XKR4: variants seen among roughly 807,000 people sequenced by gnomAD.
The protein encoded by XKR4 is XK-related protein 4.
XKR4 carries 12 observed loss-of-function variants against 53.9 expected under a neutral mutation model. The ratio of observed to expected loss-of-function variants is 0.22; its 90% CI spans 0.14 to 0.36. The LOEUF (loss-of-function observed/expected upper bound fraction) is 0.36, where lower values mean the gene tolerates loss of function less well. Ranked by LOEUF, XKR4 falls within the 10% of genes least tolerant of loss-of-function variation. XKR4 has a pLI of 1.00. For synonymous variants in XKR4, 354 were observed against 362.4 expected (o/e 0.98, Z 0.26); for missense variants, 799 against 859.5 (o/e 0.93, Z 0.88).
At chr8:55,373,413 C>T (rs576031126) in intron 2 of XKR4, among the ~76,000 whole-genome samples, 33 of 152,236 alleles carry the variant, frequency 2.2e-4, no homozygotes, top group Admixed American at 1.8e-3. Context: ...GTGATCTACC[C>T]GCCTTGGCCT....
At chr8:55,349,207 C>A (rs557117355) in intron 1 of XKR4, among the ~76,000 whole-genome samples, 1 of 152,258 alleles carries the variant, frequency 6.6e-6, no homozygotes, top group Admixed American at 6.5e-5. Flanking sequence ...GAAAGTAATT[C>A]CCCAGAGTTC....
intron 2 of XKR4, among the ~76,000 whole-genome samples, chr8:55,515,922 T>C (rs1373214642): frequency 6.6e-6 from 1 of 152,206 alleles, no homozygotes; most frequent in African/African-American, 2.4e-5. Flanking sequence ...GTAAGTCTCA[T>C]GCTCTGGTTG....
At chr8:55,508,777 T>G (rs892049927) in intron 2 of XKR4, among the ~76,000 whole-genome samples, 1 of 152,114 alleles carries the variant, frequency 6.6e-6, no homozygotes, top group Non-Finnish European at 1.5e-5. Context: ...TATAAAGAAA[T>G]CAGAAAAGAA....
rs1052479984 is a variant in XKR4 at position 55,525,755 on chromosome 8, C to A, written c.*1528C>A. The A allele has an allele frequency of 2.0e-5, 3 of 152,544 alleles. No homozygotes were observed. Among genetic ancestry groups the A allele is most frequent in the African/African-American group, 7.2e-5 (3 of 41,414 alleles). The allele number at this position is 152,544 out of a possible 1,614,324, so 9.4% of individuals were successfully genotyped here. A position where few individuals can be genotyped will look rare whatever the true frequency, so the allele number is the denominator to read the frequency against. Reference sequence around the variant, plus strand: ...TTTGTAATAAAAAATATAGGGTATACACATAGGCATCATCACATTTTTTAT... The same window carrying A: ...TTTGTAATAAAAAATATAGGGTATAAACATAGGCATCATCACATTTTTTAT... On this transcript the variant is annotated 3_prime_UTR_variant, in exon 3 of 3. Transcript: ENST00000327381.
intron 2 of XKR4, among the ~76,000 whole-genome samples, chr8:55,416,926 A>T (rs1804861410): frequency 6.7e-6 from 1 of 150,344 alleles, no homozygotes; most frequent in East Asian, 1.9e-4. Flanking sequence ...TTTCTAATGA[A>T]GTTTTAATTG....
intron 1 of XKR4, among the ~76,000 whole-genome samples, chr8:55,187,002 C>A (rs971954092): frequency 6.6e-6 from 1 of 151,514 alleles, no homozygotes; most frequent in Non-Finnish European, 1.5e-5. Flanking sequence ...TGAAGACTGG[C>A]ATTTACATAA....
At chr8:55,462,375 A>T (rs1473115536) in intron 2 of XKR4, among the ~76,000 whole-genome samples, 1 of 152,182 alleles carries the variant, frequency 6.6e-6, no homozygotes, top group Non-Finnish European at 1.5e-5. Context: ...AGCCAAACTA[A>T]GCTTCATAAG....
intron 1 of XKR4, among the ~76,000 whole-genome samples, chr8:55,303,231 C>T (rs186727056): frequency 1.6e-3 from 243 of 152,254 alleles, no homozygotes; most frequent in African/African-American, 5.6e-3. Flanking sequence ...TGTCAAAGGA[C>T]TTTTCTGCAT....
Position 55,524,343 on chromosome 8 carries a change from C to A in XKR4, c.*116C>A. 1.0e-6 allele frequency: 1 copy of A among 991,948 alleles called. No individual in the cohort carries two copies. Among genetic ancestry groups the A allele is most frequent in the Non-Finnish European group, 1.5e-6 (1 of 685,172 alleles). 61.4% of individuals were successfully genotyped at this position (991,948 alleles called of 1,614,324 possible). A position where few individuals can be genotyped will look rare whatever the true frequency, so the allele number is the denominator to read the frequency against. ...GTGAGCCGTGAAGTTCCTAGTGGGACCGTCATCACCATTATCATTTGATCC... is the reference window on the plus strand; with the variant it reads ...GTGAGCCGTGAAGTTCCTAGTGGGAACGTCATCACCATTATCATTTGATCC... On this transcript the variant is annotated 3_prime_UTR_variant, in exon 3 of 3. Coordinates refer to ENST00000327381, the MANE Select transcript of XKR4 (RefSeq NM_052898.2).
intron 2 of XKR4, among the ~76,000 whole-genome samples, chr8:55,441,525 G>A (rs1585574483): frequency 2.0e-5 from 3 of 151,970 alleles, no homozygotes; most frequent in Admixed American, 6.6e-5. Context: ...GGACATATGG[G>A]GAACATTGCA....
chr8:55,495,719 C>T (rs1419133563), intron 2 of XKR4, among the ~76,000 whole-genome samples: 1 of 152,214 alleles, frequency 6.6e-6, no homozygotes, highest in Non-Finnish European at 1.5e-5. Flanking sequence ...TCCCACCCAG[C>T]TGCGAGAGGT....
intron 2 of XKR4, among the ~76,000 whole-genome samples, chr8:55,381,602 C>A (rs1053335211): frequency 6.6e-6 from 1 of 152,144 alleles, no homozygotes; most frequent in African/African-American, 2.4e-5. Flanking sequence ...CTTTCCACTG[C>A]CTTTTTGTTC....
chr8:55,464,392 T>C (rs1805720476), intron 2 of XKR4, among the ~76,000 whole-genome samples: 1 of 152,136 alleles, frequency 6.6e-6, no homozygotes. Flanking sequence ...ATTATCTCAA[T>C]AGATGCAGAA....
intron 2 of XKR4, among the ~76,000 whole-genome samples, chr8:55,513,827 G>T (rs577820659): frequency 7.2e-5 from 11 of 152,294 alleles, no homozygotes; most frequent in African/African-American, 2.6e-4. Context: ...CATGCATATA[G>T]GAAAAAGTGT....
intron 2 of XKR4, among the ~76,000 whole-genome samples, chr8:55,388,972 G>A (rs1353641085): frequency 6.6e-6 from 1 of 152,182 alleles, no homozygotes; most frequent in African/African-American, 2.4e-5. Context: ...TAGGTTCCTT[G>A]CAGATATAAT....
In XKR4 at chr8:55,102,307, A is replaced by T; in HGVS notation, c.-182A>T. On this transcript the variant is annotated 5_prime_UTR_variant, in exon 1 of 3. Coordinates refer to ENST00000327381, the MANE Select transcript of XKR4 (RefSeq NM_052898.2). The surrounding 1 kb of genome is among the most constrained non-coding windows in gnomAD (Gnocchi z 5.1). ...CCCAGGCGCGCCGCTAGCCCGGCCCAGCGCCCAGCCCGGCGGGCGGCGGGC... is the reference window on the plus strand; with the variant it reads ...CCCAGGCGCGCCGCTAGCCCGGCCCTGCGCCCAGCCCGGCGGGCGGCGGGC... 2.4e-6 allele frequency: 2 copies of T among 836,364 alleles called. No homozygotes were observed. Among genetic ancestry groups the T allele is most frequent in the Non-Finnish European group, 2.9e-6 (2 of 687,332 alleles). The allele number at this position is 836,364 out of a possible 1,614,324, so 51.8% of individuals were successfully genotyped here. A position where few individuals can be genotyped will look rare whatever the true frequency, so the allele number is the denominator to read the frequency against.
chr8:55,262,944 A>T (rs964247600), intron 1 of XKR4, among the ~76,000 whole-genome samples: 1 of 152,170 alleles, frequency 6.6e-6, no homozygotes, highest in African/African-American at 2.4e-5. Flanking sequence ...TCCTACAAGA[A>T]TAGAAACCCT....
At chr8:55,209,301 C>T (rs965320135) in intron 1 of XKR4, among the ~76,000 whole-genome samples, 2 of 152,060 alleles carry the variant, frequency 1.3e-5, no homozygotes. Flanking sequence ...CACATGGGCT[C>T]CCACACTTGC....
intron 2 of XKR4, among the ~76,000 whole-genome samples, chr8:55,380,292 C>T (rs185984918): frequency 6.6e-6 from 1 of 152,280 alleles, no homozygotes; most frequent in East Asian, 1.9e-4. Flanking sequence ...ATCAGAAGAC[C>T]GAAGTCAACA....
Sources: allele counts gnomAD v4.1 joint callset (sites outside exome capture counted in the v4.1 genomes callset), GRCh38; gene constraint gnomAD v4.1.1; non-coding constraint Gnocchi (gnomAD v3.1); transcripts MANE v1.5; gene names NCBI Gene and HGNC (gene_info 2026-07-23, HGNC 2026-07-21).